Variants in COL19A1 observed in about 807,000 individuals in gnomAD.
COL19A1 encodes collagen type XIX alpha 1 chain.
In COL19A1, 159 loss-of-function variants were observed where a neutral mutation model predicts 190.2. That is an observed-to-expected ratio of 0.84 (90% CI 0.73 to 0.95). The LOEUF is 0.95. Among genes scored for constraint, COL19A1 ranks in the 40% least tolerant of loss-of-function variants. COL19A1 has a pLI of 0.00. For synonymous variants in COL19A1, 509 were observed against 458.9 expected (o/e 1.11, Z -1.39); for missense variants, 1,418 against 1,431.9 (o/e 0.99, Z 0.16).
intron 31 of COL19A1, among the ~76,000 whole-genome samples, chr6:70,152,916 A>C (rs960528135): frequency 6.6e-5 from 10 of 152,150 alleles, no homozygotes; most frequent in African/African-American, 2.4e-4. Flanking sequence ...GAACAGATAA[A>C]AGGACCATGA....
At chr6:70,201,869 G>C (rs1767574688) in intron 49 of COL19A1, among the ~76,000 whole-genome samples, 1 of 152,156 alleles carries the variant, frequency 6.6e-6, no homozygotes, top group South Asian at 2.1e-4. Context: ...AGAGGCTGCT[G>C]TTTAATTTTT....
At chr6:69,999,375 T>G (rs189442505) in intron 11 of COL19A1, among the ~76,000 whole-genome samples, 1 of 151,848 alleles carries the variant, frequency 6.6e-6, no homozygotes, top group South Asian at 2.1e-4. Flanking sequence ...TACAAAAAAA[T>G]TTTTTTTAAA....
At chr6:70,138,939 A>C (rs1168753068) in intron 19 of COL19A1, among the ~76,000 whole-genome samples, 4 of 152,078 alleles carry the variant, frequency 2.6e-5, no homozygotes, top group Middle Eastern at 6.8e-3. Flanking sequence ...TAGGTGCTCC[A>C]CACTTGGAGG....
intron 11 of COL19A1, among the ~76,000 whole-genome samples, chr6:70,010,731 T>G (rs1204956288): frequency 7.5e-6 from 1 of 133,556 alleles, no homozygotes; most frequent in Non-Finnish European, 1.5e-5. Flanking sequence ...TCTCGCTGAT[T>G]GCTAGCACAG....
At chr6:70,117,007 C>G (rs1019146622) in intron 16 of COL19A1, among the ~76,000 whole-genome samples, 2 of 152,096 alleles carry the variant, frequency 1.3e-5, no homozygotes, top group African/African-American at 4.8e-5. Flanking sequence ...CAAGGAGACT[C>G]AGTCAACAGA....
chr6:70,127,133 A>G (rs760305356), intron 17 of COL19A1, among the ~76,000 whole-genome samples: 4 of 152,148 alleles, frequency 2.6e-5, no homozygotes, highest in Non-Finnish European at 4.4e-5. Context: ...AAGAGTGGTG[A>G]TCTGGAGGCT....
intron 4 of COL19A1, among the ~76,000 whole-genome samples, chr6:69,925,566 C>A (rs537746320): frequency 6.6e-6 from 1 of 152,052 alleles, no homozygotes; most frequent in East Asian, 1.9e-4. Context: ...CTTGGCAATG[C>A]GGGCTCTTTT....
chr6:70,097,934 C>G (rs1424946787), intron 15 of COL19A1, among the ~76,000 whole-genome samples: 3 of 152,186 alleles, frequency 2.0e-5, no homozygotes, highest in Admixed American at 6.6e-5. Flanking sequence ...TGACTTATCT[C>G]CAGGATTTTC....
intron 17 of COL19A1, among the ~76,000 whole-genome samples, chr6:70,127,886 G>T (rs1296968245): frequency 1.3e-5 from 2 of 152,156 alleles, no homozygotes; most frequent in African/African-American, 4.8e-5. Flanking sequence ...TGGGGACACA[G>T]CCGAATCAAG....
chr6:69,944,668 T>C (rs1773682725), intron 9 of COL19A1, among the ~76,000 whole-genome samples: 1 of 152,100 alleles, frequency 6.6e-6, no homozygotes, highest in Non-Finnish European at 1.5e-5. Context: ...AAACTTAATA[T>C]GTATTTTTAT....
At chr6:70,146,342 T>G (rs1207384717) in intron 25 of COL19A1, among the ~76,000 whole-genome samples, 1 of 152,148 alleles carries the variant, frequency 6.6e-6, no homozygotes, top group East Asian at 1.9e-4. Context: ...TGCCGGAAAA[T>G]CTAAATAACC....
intron 15 of COL19A1, among the ~76,000 whole-genome samples, chr6:70,070,482 A>G (rs1466295040): frequency 6.6e-6 from 1 of 152,154 alleles, no homozygotes; most frequent in Non-Finnish European, 1.5e-5. Context: ...CATTATTGCT[A>G]CTGCTCTTTC....
intron 15 of COL19A1, among the ~76,000 whole-genome samples, chr6:70,072,711 A>G (rs908154585): frequency 3.3e-5 from 5 of 151,966 alleles, no homozygotes; most frequent in African/African-American, 1.2e-4. Flanking sequence ...TGGAGTCAGG[A>G]TTCCTTGCAT....
At chr6:69,904,855 ACGGCT>A in intron 4 of COL19A1, among the ~76,000 whole-genome samples, 1 of 152,052 alleles carries the variant, frequency 6.6e-6, no homozygotes, top group East Asian at 1.9e-4. Context: ...CCCTAGGCAC[ACGGCT>A]TGTGCTGGGA....
chr6:70,145,552 G>GAT (rs1442041676), intron 25 of COL19A1, among the ~76,000 whole-genome samples: 2 of 152,062 alleles, frequency 1.3e-5, no homozygotes, highest in African/African-American at 4.8e-5. Context: ...GGGAGGCAAG[G>GAT]TTGAAAAACT....
At chr6:69,884,589 A>G (rs1768786433) in intron 2 of COL19A1, among the ~76,000 whole-genome samples, 1 of 152,156 alleles carries the variant, frequency 6.6e-6, no homozygotes, top group South Asian at 2.1e-4. Context: ...TATTTTGTTT[A>G]AAATATGTAT....
intron 40 of COL19A1, among the ~76,000 whole-genome samples, chr6:70,169,046 C>T (rs540404635): frequency 4.7e-5 from 7 of 148,314 alleles, no homozygotes; most frequent in South Asian, 4.4e-4. Flanking sequence ...GGAAAGAAAT[C>T]CCTTAATATA....
At chr6:70,089,529 G>A (rs1388964805) in intron 15 of COL19A1, among the ~76,000 whole-genome samples, 1 of 152,126 alleles carries the variant, frequency 6.6e-6, no homozygotes, top group Non-Finnish European at 1.5e-5. Flanking sequence ...TCTCCTGCAA[G>A]GTCTTTCACT....
chr6:69,880,454 A>G (rs1387900023), intron 2 of COL19A1, among the ~76,000 whole-genome samples: 2 of 152,220 alleles, frequency 1.3e-5, no homozygotes, highest in Non-Finnish European at 2.9e-5. Context: ...TGATAATCAC[A>G]TATGATTATG....
Sources: gnomAD v4.1 joint callset for allele counts (sites outside exome capture counted in the v4.1 genomes callset) on GRCh38, gnomAD v4.1.1 for gene constraint, MANE v1.5 for transcripts, NCBI Gene and HGNC (gene_info 2026-07-23, HGNC 2026-07-21) for gene names.